Variants in POLR3B observed in about 807,000 individuals in gnomAD.
POLR3B encodes DNA-directed RNA polymerase III subunit RPC2.
In POLR3B, 96 loss-of-function variants were observed where a neutral mutation model predicts 147.4. That is an observed-to-expected ratio of 0.65 (90% CI 0.55 to 0.77). The LOEUF is 0.77. Among genes scored for constraint, POLR3B ranks in the 30% least tolerant of loss-of-function variants. POLR3B has a pLI of 0.00. For synonymous variants in POLR3B, 461 were observed against 485.9 expected, an observed-to-expected ratio of 0.95 and a Z score of 0.67; for missense variants, 1,036 against 1,413.5, an observed-to-expected ratio of 0.73 and a Z score of 4.28.
At chr12:106,451,317 T>C (rs1421662551) in intron 19 of POLR3B, among the ~76,000 whole-genome samples, 4 of 152,012 alleles carry the variant, frequency 2.6e-5, no homozygotes, top group Non-Finnish European at 5.9e-5. Context: ...TTTATTGTAT[T>C]CAATAATGTT....
intron 23 of POLR3B, among the ~76,000 whole-genome samples, chr12:106,486,413 CAT>C (rs1018405726): frequency 6.6e-6 from 1 of 151,236 alleles, no homozygotes; most frequent in African/African-American, 2.4e-5. Context: ...TGATTCCAAG[CAT>C]ATGGCTCATT....
chr12:106,363,833 T>A (rs938923401), intron 1 of POLR3B, 37 bp from the exon 2 acceptor site: 4 of 1,541,436 alleles, frequency 2.6e-6, no homozygotes, highest in Non-Finnish European at 3.6e-6. Context: ...CTGTTGCTGG[T>A]ACAGAGTTCT....
chr12:106,415,038 G>T (rs1347195703), intron 12 of POLR3B, among the ~76,000 whole-genome samples: 2 of 152,040 alleles, frequency 1.3e-5, no homozygotes, highest in Non-Finnish European at 1.5e-5. Flanking sequence ...TACACATCAG[G>T]TTCATCAAAT....
chr12:106,448,660 G>A (rs182616065), intron 19 of POLR3B, among the ~76,000 whole-genome samples: 194 of 151,318 alleles, frequency 1.3e-3, no homozygotes, highest in African/African-American at 4.4e-3. Context: ...GGCTGGTCTC[G>A]AACTCCTGAC....
intron 19 of POLR3B, among the ~76,000 whole-genome samples, chr12:106,453,224 C>G (rs938833181): frequency 3.3e-5 from 5 of 151,938 alleles, no homozygotes; most frequent in African/African-American, 1.2e-4. Context: ...GTTGCCCAGT[C>G]TGGTCTTGAA....
chr12:106,373,360 C>A (rs554319817), intron 6 of POLR3B, among the ~76,000 whole-genome samples: 1 of 152,200 alleles, frequency 6.6e-6, no homozygotes. Flanking sequence ...TTATAATATT[C>A]TTTGCCTTGA....
intron 12 of POLR3B, among the ~76,000 whole-genome samples, chr12:106,422,118 A>G: frequency 6.6e-6 from 1 of 152,162 alleles, no homozygotes; most frequent in East Asian, 1.9e-4. Flanking sequence ...CCCAAATCTC[A>G]TGTTGACATG....
chr12:106,495,628 TG>T, intron 23 of POLR3B, among the ~76,000 whole-genome samples: 1 of 152,310 alleles, frequency 6.6e-6, no homozygotes, highest in East Asian at 1.9e-4. Context: ...TTTCTGTGTT[TG>T]GGGGTCAGAG....
intron 14 of POLR3B, among the ~76,000 whole-genome samples, chr12:106,431,583 A>G (rs1268345846): frequency 1.3e-5 from 2 of 152,242 alleles, no homozygotes; most frequent in African/African-American, 2.4e-5. Context: ...AATTTTAGAT[A>G]TACAAAAAAG....
Position 106,378,387 on chromosome 12 carries a change from A to T in POLR3B, c.614+3A>T, listed in dbSNP as rs1269102655. ...GCTGTTGGAGCTTCAGTTACCAGGT[A>T]TGGAAAGCAGAGATGGTGTCCTTAA... On this transcript the variant is annotated splice_donor_region_variant and intron_variant, in intron 8 of 27. Transcript: ENST00000228347. 4 of 1,573,392 alleles carry T rather than the reference A, an allele frequency of 2.5e-6. No homozygotes were observed. In the East Asian group the frequency reaches 6.7e-5, roughly 26 times the overall value.
At position 106,366,496 on chromosome 12, in the gene POLR3B, TTCTC is replaced by T; in HGVS notation, c.106-18_106-15del. 1.3e-6 allele frequency: 2 copies of T among 1,579,906 alleles called. No individual in the cohort carries two copies. The highest frequency in any genetic ancestry group is 1.7e-6 in the Non-Finnish European group (2 of 1,150,478). On this transcript the variant is annotated splice_polypyrimidine_tract_variant and intron_variant, in intron 2 of 27. Transcript: ENST00000228347. Reference sequence around the variant, plus strand: ...TTGCACTTTTGCTAACCTGTTTACTTTCTCTTTCTATCTGTTTAGGTGAAAGGCC... The same window carrying T: ...TTGCACTTTTGCTAACCTGTTTACTTTTTCTATCTGTTTAGGTGAAAGGCC...
At chr12:106,403,051 A>T (rs1370620831) in intron 10 of POLR3B, among the ~76,000 whole-genome samples, 3 of 151,846 alleles carry the variant, frequency 2.0e-5, no homozygotes, top group East Asian at 3.9e-4. Flanking sequence ...AATTTTTGCA[A>T]CCTACTCATC....
chr12:106,401,755 T>C (rs1205138458), intron 10 of POLR3B, among the ~76,000 whole-genome samples: 3 of 152,188 alleles, frequency 2.0e-5, no homozygotes, highest in Non-Finnish European at 4.4e-5. Context: ...TTTGACAAAA[T>C]TCAACAACCT....
intron 23 of POLR3B, among the ~76,000 whole-genome samples, chr12:106,470,904 T>C (rs1285583888): frequency 6.6e-6 from 1 of 152,136 alleles, no homozygotes; most frequent in Non-Finnish European, 1.5e-5. Flanking sequence ...CCAGTCAGGC[T>C]ACACGGGGGT....
chr12:106,426,286 C>G (rs1427667964), intron 12 of POLR3B, among the ~76,000 whole-genome samples: 2 of 150,774 alleles, frequency 1.3e-5, no homozygotes, highest in Non-Finnish European at 3.0e-5. Context: ...GAGTCTCACT[C>G]TGTCGCTCAG....
intron 23 of POLR3B, among the ~76,000 whole-genome samples, chr12:106,478,738 A>T (rs1196066968): frequency 6.6e-6 from 1 of 152,154 alleles, no homozygotes; most frequent in Non-Finnish European, 1.5e-5. Context: ...TAATTTTATT[A>T]TTAAATAATA....
At position 106,503,108 on chromosome 12, in the gene POLR3B, G is replaced by A. The variant is rs368805949; in HGVS notation, c.3099-973G>A. On this transcript the variant is annotated intron_variant, in intron 26 of 27. Coordinates refer to ENST00000228347, the MANE Select transcript of POLR3B (RefSeq NM_018082.6). ...GCAACTACCCATTTGTGTTTCTACC[G>A]GCAGATAAAAATGTATAGATGTGCT... 1.3e-3 allele frequency among the ~76,000 whole-genome samples: 191 copies of A among 152,188 alleles called. 10 individuals carry two copies. The South Asian group carries it at 0.039, about 31-fold the overall frequency.
intron 10 of POLR3B, among the ~76,000 whole-genome samples, chr12:106,393,990 C>T (rs2036949915): frequency 6.6e-6 from 1 of 152,138 alleles, no homozygotes; most frequent in South Asian, 2.1e-4. Context: ...TCTTACCTAT[C>T]CACGTGTACA....
intron 25 of POLR3B, among the ~76,000 whole-genome samples, chr12:106,500,602 T>G (rs11113015): frequency 0.26 from 39,399 of 152,156 alleles, 6,441 homozygotes; most frequent in East Asian, 0.69. Flanking sequence ...GATGTGGTAT[T>G]CAGTGAAAGT....
Sources: gnomAD v4.1 joint callset for allele counts (sites outside exome capture counted in the v4.1 genomes callset) on GRCh38, gnomAD v4.1.1 for gene constraint, MANE v1.5 for transcripts, NCBI Gene and HGNC (gene_info 2026-07-23, HGNC 2026-07-21) for gene names.